The following FGF14 variants were observed in gnomAD, a reference collection of about 807,000 sequenced individuals.
FGF14 encodes the protein fibroblast growth factor homologous factor 4.
FGF14 carries 5 observed loss-of-function variants against 25.5 expected under a neutral mutation model. That is an observed-to-expected ratio of 0.20 (90% CI 0.10 to 0.41). The LOEUF (loss-of-function observed/expected upper bound fraction) is 0.41. FGF14 is among the 10% of genes least tolerant of loss of function. The pLI is 1.00. For synonymous variants in FGF14, 138 were observed against 118.3 expected (o/e 1.17, Z -1.08); for missense variants, 222 against 320.1 (o/e 0.69, Z 2.34).
At chr13:102,278,103 C>T (rs2053634341) in intron 1 of FGF14, among the ~76,000 whole-genome samples, 2 of 152,170 alleles carry the variant, frequency 1.3e-5, no homozygotes, top group Non-Finnish European at 2.9e-5. Context: ...CTGCTACCAG[C>T]TTCCATAATT....
At chr13:101,997,960 G>A (rs965802142) in intron 1 of FGF14, among the ~76,000 whole-genome samples, 2 of 152,084 alleles carry the variant, frequency 1.3e-5, no homozygotes, top group African/African-American at 4.8e-5. Flanking sequence ...CTACAGTGAA[G>A]CAAATGAATG....
At chr13:102,160,967 A>G (rs72665335) in intron 1 of FGF14, among the ~76,000 whole-genome samples, 20 of 152,330 alleles carry the variant, frequency 1.3e-4, no homozygotes, top group Non-Finnish European at 2.5e-4. Context: ...CTTCAAAGCC[A>G]CTTCAAGTCA....
chr13:101,729,876 T>A (rs942593489), intron 3 of FGF14, among the ~76,000 whole-genome samples: 6 of 152,058 alleles, frequency 3.9e-5, no homozygotes, highest in Admixed American at 3.9e-4. Context: ...CAGAACAATA[T>A]AATATTTGTT....
intron 1 of FGF14, among the ~76,000 whole-genome samples, chr13:102,113,207 G>T (rs2045315033): frequency 6.6e-6 from 1 of 152,204 alleles, no homozygotes. Flanking sequence ...AATTGGATTT[G>T]CTGGTATAAC....
intron 1 of FGF14, among the ~76,000 whole-genome samples, chr13:101,876,264 G>A (rs911303174): frequency 1.3e-5 from 2 of 152,130 alleles, no homozygotes; most frequent in African/African-American, 4.8e-5. Context: ...CCATCTCAGG[G>A]ATAGATTGGA....
chr13:102,233,664 T>A (rs1223467728), intron 1 of FGF14, among the ~76,000 whole-genome samples: 1 of 152,152 alleles, frequency 6.6e-6, no homozygotes, highest in Non-Finnish European at 1.5e-5. Flanking sequence ...TCCCCATAGC[T>A]GAAGATGGAG....
At chr13:101,909,031 T>C (rs569991218) in intron 1 of FGF14, among the ~76,000 whole-genome samples, 6 of 152,304 alleles carry the variant, frequency 3.9e-5, no homozygotes, top group African/African-American at 9.6e-5. Context: ...GAAAACTGGC[T>C]AGCCATAAGT....
At chr13:102,345,518 T>C (rs914944828) in intron 1 of FGF14, among the ~76,000 whole-genome samples, 3 of 152,240 alleles carry the variant, frequency 2.0e-5, no homozygotes, top group African/African-American at 7.2e-5. Flanking sequence ...AAGCATGCCT[T>C]TTCCCCCATC....
intron 1 of FGF14, among the ~76,000 whole-genome samples, chr13:102,223,635 CACTT>C (rs950442095): frequency 6.6e-6 from 1 of 152,152 alleles, no homozygotes; most frequent in Non-Finnish European, 1.5e-5. Flanking sequence ...ACTTTTGAAA[CACTT>C]AAAAATCAAC....
At chr13:101,862,356 TC>T (rs982493137) in intron 3 of FGF14, among the ~76,000 whole-genome samples, 6 of 152,042 alleles carry the variant, frequency 3.9e-5, no homozygotes, top group African/African-American at 1.4e-4. Context: ...TTATTTTTTT[TC>T]CTCTTCTTTT....
chr13:102,047,392 T>C (rs1323631539), intron 1 of FGF14, among the ~76,000 whole-genome samples: 1 of 152,094 alleles, frequency 6.6e-6, no homozygotes, highest in Non-Finnish European at 1.5e-5. Flanking sequence ...GATTTAGCTA[T>C]ACCTTTAAAA....
intron 1 of FGF14, among the ~76,000 whole-genome samples, chr13:102,216,632 C>T (rs1408006653): frequency 6.6e-6 from 1 of 152,046 alleles, no homozygotes; most frequent in Non-Finnish European, 1.5e-5. Flanking sequence ...ATTAGCATAT[C>T]CTTAAACACT....
At chr13:102,369,791 G>A (rs1334609549) in intron 1 of FGF14, among the ~76,000 whole-genome samples, 1 of 152,126 alleles carries the variant, frequency 6.6e-6, no homozygotes, top group Non-Finnish European at 1.5e-5. Flanking sequence ...CATTTAAATA[G>A]TACATTGTGT....
At chr13:101,953,570 G>GTGTGTGTGTGTGTATATATA (rs532696085) in intron 1 of FGF14, among the ~76,000 whole-genome samples, 14 of 138,142 alleles carry the variant, frequency 1.0e-4, no homozygotes, top group African/African-American at 3.6e-4. Flanking sequence ...GTGTGTGTGT[G>GTGTGTGTGTGTGTATATATA]TATATATATA....
intron 1 of FGF14, among the ~76,000 whole-genome samples, chr13:102,281,278 A>G (rs558965734): frequency 6.6e-6 from 1 of 152,320 alleles, no homozygotes; most frequent in Admixed American, 6.5e-5. Context: ...GCTGTCCCTG[A>G]GCCTGTGCTG....
intron 1 of FGF14, among the ~76,000 whole-genome samples, chr13:102,240,027 A>G: frequency 6.6e-6 from 1 of 152,184 alleles, no homozygotes; most frequent in East Asian, 1.9e-4. Context: ...CACTTATAAA[A>G]TGTGTTATTT....
At chr13:102,353,263 C>T (rs368446813) in intron 1 of FGF14, among the ~76,000 whole-genome samples, 31 of 152,206 alleles carry the variant, frequency 2.0e-4, no homozygotes, top group African/African-American at 7.2e-4. Flanking sequence ...CTCTCAATCT[C>T]TTTGCCATCT....
chr13:101,811,779 G>A (rs1186104229), intron 3 of FGF14, among the ~76,000 whole-genome samples: 5 of 152,234 alleles, frequency 3.3e-5, no homozygotes, highest in Admixed American at 3.3e-4. Context: ...GACATTAACA[G>A]TGTCCTAGAT....
chr13:102,263,252 G>A (rs917771360), intron 1 of FGF14: 21 of 365,208 alleles, frequency 5.8e-5, no homozygotes, highest in Admixed American at 2.8e-4. Flanking sequence ...GAGAAAGGAC[G>A]ATTTATTTTA....
Sources: allele counts gnomAD v4.1 joint callset (sites outside exome capture counted in the v4.1 genomes callset), GRCh38; gene constraint gnomAD v4.1.1; transcripts MANE v1.5; gene names NCBI Gene and HGNC (gene_info 2026-07-23, HGNC 2026-07-21).